Variants in DLG2 observed in about 807,000 individuals in gnomAD.
DLG2 encodes discs large MAGUK scaffold protein 2.
A neutral mutation model predicts 132.5 loss-of-function variants in DLG2; 45 were observed. The observed-to-expected ratio is 0.34, with a 90% CI of 0.27 to 0.44. The LOEUF (loss-of-function observed/expected upper bound fraction) is 0.44, where lower values mean the gene tolerates loss of function less well. Among genes scored for constraint, DLG2 ranks in the 20% least tolerant of loss-of-function variants. The pLI is 1.00. For missense variants in DLG2, 1,045 were observed against 1,196.9 expected (o/e 0.87, Z 1.87); for synonymous variants, 424 against 419.6 (o/e 1.01, Z -0.13).
At chr11:83,690,002 TTTA>T (rs1304079638) in intron 18 of DLG2, among the ~76,000 whole-genome samples, 4 of 142,326 alleles carry the variant, frequency 2.8e-5, no homozygotes, top group Admixed American at 1.4e-4. Flanking sequence ...TAATATTATA[TTTA>T]TTATAATATT....
intron 6 of DLG2, among the ~76,000 whole-genome samples, chr11:84,877,460 A>G (rs1050139128): frequency 1.5e-4 from 20 of 130,556 alleles, no homozygotes; most frequent in Non-Finnish European, 3.0e-4. Context: ...GTCTTTTTTG[A>G]TATTTGTTGG....
Position 85,019,457 on chromosome 11 carries a change from ATTATT to A in DLG2, c.357+92199_357+92203del, listed in dbSNP as rs1397950482. On this transcript the variant is annotated intron_variant, in intron 6 of 27. Coordinates refer to ENST00000376104, the MANE Select transcript of DLG2 (RefSeq NM_001142699.3). ...AATGGGATAAGATTTCTTTTTTATT[ATTATT>A]TTATTATTTATTTATTTTTCATTAT... is the stretch of plus-strand genomic sequence containing the variant. Among the ~76,000 whole-genome samples, 11 of 151,968 alleles carry A rather than the reference ATTATT, an allele frequency of 7.2e-5. No individual in the cohort carries two copies. In the South Asian group the frequency reaches 1.7e-3, roughly 23 times the overall value.
chr11:84,302,439 T>C (rs2098166208), intron 7 of DLG2, among the ~76,000 whole-genome samples: 1 of 152,198 alleles, frequency 6.6e-6, no homozygotes, highest in Non-Finnish European at 1.5e-5. Flanking sequence ...ATGATGCTAA[T>C]TTTTAAAAAG....
chr11:83,623,066 T>C (rs2061884822), intron 19 of DLG2, among the ~76,000 whole-genome samples: 1 of 152,182 alleles, frequency 6.6e-6, no homozygotes, highest in South Asian at 2.1e-4. Flanking sequence ...TTTTCATAGG[T>C]CTAGAAGGTT....
intron 19 of DLG2, among the ~76,000 whole-genome samples, chr11:83,570,272 G>A (rs1168794035): frequency 6.6e-6 from 1 of 152,136 alleles, no homozygotes; most frequent in Non-Finnish European, 1.5e-5. Flanking sequence ...GACCTGTGAT[G>A]TGTATTAACG....
intron 3 of DLG2, among the ~76,000 whole-genome samples, chr11:85,485,683 G>C (rs938729970): frequency 6.6e-6 from 1 of 152,130 alleles, no homozygotes; most frequent in Non-Finnish European, 1.5e-5. Context: ...CACTCTCACC[G>C]CAGGCTTTTG....
chr11:83,911,724 G>A (rs68107455), intron 15 of DLG2, among the ~76,000 whole-genome samples: 27,672 of 152,068 alleles, frequency 0.18, 2,761 homozygotes, highest in Middle Eastern at 0.23. Flanking sequence ...GCTACAAAAA[G>A]TGTTCTCTAA....
chr11:84,863,640 A>G (rs1052465189), intron 6 of DLG2, among the ~76,000 whole-genome samples: 1 of 152,176 alleles, frequency 6.6e-6, no homozygotes, highest in Non-Finnish European at 1.5e-5. Flanking sequence ...CCTAGCACCA[A>G]ATGGGCTTCC....
chr11:84,184,345 C>T (rs1457018635), intron 8 of DLG2, among the ~76,000 whole-genome samples: 3 of 152,012 alleles, frequency 2.0e-5, no homozygotes, highest in African/African-American at 4.8e-5. Flanking sequence ...AGCATTTTTT[C>T]ATGTGTCTTT....
intron 18 of DLG2, among the ~76,000 whole-genome samples, chr11:83,690,399 A>T (rs1245174539): frequency 1.3e-5 from 2 of 151,726 alleles, no homozygotes; most frequent in Non-Finnish European, 2.9e-5. Flanking sequence ...TTTAGTTTTT[A>T]TTTTTAATAT....
At chr11:84,967,701 A>T (rs528871661) in intron 6 of DLG2, among the ~76,000 whole-genome samples, 1 of 152,148 alleles carries the variant, frequency 6.6e-6, no homozygotes, top group Non-Finnish European at 1.5e-5. Flanking sequence ...GAGGAGTCAG[A>T]TCATTTTAAC....
At chr11:84,703,881 T>TATATATATATATATACATATAC (rs1039735623) in intron 6 of DLG2, among the ~76,000 whole-genome samples, 1 of 122,746 alleles carries the variant, frequency 8.1e-6, no homozygotes, top group East Asian at 2.5e-4. Flanking sequence ...TATATATATA[T>TATATATATATATATACATATAC]ATACACGTGT....
intron 6 of DLG2, among the ~76,000 whole-genome samples, chr11:84,820,374 T>C (rs1231192141): frequency 6.6e-6 from 1 of 151,910 alleles, no homozygotes; most frequent in Non-Finnish European, 1.5e-5. Flanking sequence ...TTTCTTTCTG[T>C]TCCACTTTAT....
intron 2 of DLG2, among the ~76,000 whole-genome samples, chr11:85,616,852 T>A (rs928397439): frequency 6.6e-6 from 1 of 152,094 alleles, no homozygotes; most frequent in African/African-American, 2.4e-5. Context: ...AACACAGACA[T>A]TCTAGAAAAA....
chr11:83,567,138 G>C (rs757006512), intron 19 of DLG2, among the ~76,000 whole-genome samples: 1 of 152,076 alleles, frequency 6.6e-6, no homozygotes, highest in Non-Finnish European at 1.5e-5. Context: ...CGGGTGACTC[G>C]TTGAAAGCCT....
intron 8 of DLG2, among the ~76,000 whole-genome samples, chr11:84,246,171 A>G (rs749948771): frequency 2.3e-4 from 35 of 152,362 alleles, no homozygotes; most frequent in South Asian, 6.2e-4. Context: ...AGTTTCAGTT[A>G]TCTACTGTCA....
chr11:85,556,569 G>A (rs1335984024), intron 3 of DLG2, among the ~76,000 whole-genome samples: 3 of 151,806 alleles, frequency 2.0e-5, no homozygotes, highest in Non-Finnish European at 2.9e-5. Context: ...ACTGTAAAGT[G>A]TTTCTTCAGA....
At chr11:83,656,182 T>C (rs778546279) in intron 18 of DLG2, among the ~76,000 whole-genome samples, 2 of 152,220 alleles carry the variant, frequency 1.3e-5, no homozygotes, top group Non-Finnish European at 2.9e-5. Flanking sequence ...TGACACTCAT[T>C]AAGAGTCATC....
chr11:83,964,786 T>G (rs952391452), intron 13 of DLG2, among the ~76,000 whole-genome samples: 1 of 152,072 alleles, frequency 6.6e-6, no homozygotes, highest in East Asian at 1.9e-4. Context: ...CTCACCTCTA[T>G]TGCCATAGTG....
Sources: gnomAD v4.1 joint callset for allele counts (sites outside exome capture counted in the v4.1 genomes callset) on GRCh38, gnomAD v4.1.1 for gene constraint, MANE v1.5 for transcripts, NCBI Gene and HGNC (gene_info 2026-07-23, HGNC 2026-07-21) for gene names.